BRINP3: variants seen among roughly 807,000 people sequenced by gnomAD.
BRINP3 encodes the protein BMP/retinoic acid-inducible neural-specific protein 3.
A neutral mutation model predicts 71.0 loss-of-function variants in BRINP3; 19 were observed. That is an observed-to-expected ratio of 0.27 (90% CI 0.19 to 0.39). BRINP3 has a LOEUF of 0.39. Among genes scored for constraint, BRINP3 ranks in the 10% least tolerant of loss-of-function variants. BRINP3 has a pLI of 1.00. For synonymous variants in BRINP3, 380 were observed against 337.7 expected, an observed-to-expected ratio of 1.13 and a Z score of -1.37; for missense variants, 959 against 940.8, an observed-to-expected ratio of 1.02 and a Z score of -0.25.
At chr1:190,189,670 T>A (rs899065287) in intron 6 of BRINP3, among the ~76,000 whole-genome samples, 40 of 151,866 alleles carry the variant, frequency 2.6e-4, no homozygotes, top group Non-Finnish European at 4.6e-4. Context: ...TTCCCATTGA[T>A]TTTTTTTATC....
intron 6 of BRINP3, among the ~76,000 whole-genome samples, chr1:190,220,436 A>C (rs1301409628): frequency 1.3e-5 from 2 of 152,108 alleles, no homozygotes; most frequent in Non-Finnish European, 2.9e-5. Context: ...GAAATACCTA[A>C]TGTTGGTGAC....
intron 2 of BRINP3, among the ~76,000 whole-genome samples, chr1:190,330,610 C>T (rs955860465): frequency 2.0e-5 from 3 of 151,956 alleles, no homozygotes; most frequent in Non-Finnish European, 2.9e-5. Flanking sequence ...CACCATTAGA[C>T]CCAGCAATCC....
chr1:190,157,412 G>T (rs552043494), intron 7 of BRINP3, among the ~76,000 whole-genome samples: 11 of 152,030 alleles, frequency 7.2e-5, no homozygotes, highest in Non-Finnish European at 1.2e-4. Flanking sequence ...AATGATTGCC[G>T]TTCCTTGAGA....
At chr1:190,300,429 G>C (rs1193434210) in intron 2 of BRINP3, among the ~76,000 whole-genome samples, 2 of 152,068 alleles carry the variant, frequency 1.3e-5, no homozygotes, top group African/African-American at 4.8e-5. Flanking sequence ...CTCTGTATTG[G>C]TTATTCTAGT....
intron 7 of BRINP3, among the ~76,000 whole-genome samples, chr1:190,103,465 A>T (rs545378812): frequency 6.6e-6 from 1 of 152,196 alleles, no homozygotes; most frequent in South Asian, 2.1e-4. Flanking sequence ...TGATTGGTGA[A>T]CCAAGTTCCT....
intron 3 of BRINP3, among the ~76,000 whole-genome samples, chr1:190,274,648 AT>A (rs754491359): frequency 1.3e-5 from 2 of 151,616 alleles, no homozygotes; most frequent in Non-Finnish European, 3.0e-5. Context: ...GCCTTACAAT[AT>A]TTTTTGTTAT....
chr1:190,230,779 TCA>T (rs1181208692), intron 5 of BRINP3, among the ~76,000 whole-genome samples: 2 of 151,016 alleles, frequency 1.3e-5, no homozygotes, highest in African/African-American at 2.4e-5. Context: ...CTTCAAACAC[TCA>T]CACACACACA....
At chr1:190,163,987 AACACC>A (rs1651252292) in intron 6 of BRINP3, among the ~76,000 whole-genome samples, 1 of 152,146 alleles carries the variant, frequency 6.6e-6, no homozygotes, top group Non-Finnish European at 1.5e-5. Context: ...AAGTTTTATT[AACACC>A]ACTATATTAA....
intron 2 of BRINP3, among the ~76,000 whole-genome samples, chr1:190,452,225 A>T (rs1675657560): frequency 6.6e-6 from 1 of 152,240 alleles, no homozygotes; most frequent in African/African-American, 2.4e-5. Context: ...TACTAAAACT[A>T]AAGGTACCCT....
At chr1:190,466,810 G>A (rs1676785277) in intron 1 of BRINP3, among the ~76,000 whole-genome samples, 3 of 150,986 alleles carry the variant, frequency 2.0e-5, no homozygotes, top group African/African-American at 7.3e-5. Flanking sequence ...TAAATAAATG[G>A]AGTTTATTAA....
intron 7 of BRINP3, among the ~76,000 whole-genome samples, chr1:190,152,626 C>T (rs1438026430): frequency 7.4e-6 from 1 of 135,084 alleles, no homozygotes; most frequent in African/African-American, 2.8e-5. Context: ...TGGGTTGAGT[C>T]TGGACATCTT....
chr1:190,434,184 T>C (rs1390417215), intron 2 of BRINP3, among the ~76,000 whole-genome samples: 1 of 152,064 alleles, frequency 6.6e-6, no homozygotes, highest in East Asian at 1.9e-4. Flanking sequence ...AGTGGCCAGA[T>C]CTCGACTCAC....
At chr1:190,111,050 C>T (rs1557975621) in intron 7 of BRINP3, among the ~76,000 whole-genome samples, 1 of 151,450 alleles carries the variant, frequency 6.6e-6, no homozygotes, top group Admixed American at 6.6e-5. Flanking sequence ...TGGTGTTGGG[C>T]GCCTGTAATC....
At chr1:190,221,852 C>T (rs1437550374) in intron 6 of BRINP3, among the ~76,000 whole-genome samples, 1 of 152,000 alleles carries the variant, frequency 6.6e-6, no homozygotes, top group Non-Finnish European at 1.5e-5. Flanking sequence ...GTCAATACAG[C>T]AAGATAATAT....
chr1:190,242,844 G>T (rs1268044241), intron 4 of BRINP3, among the ~76,000 whole-genome samples: 1 of 152,002 alleles, frequency 6.6e-6, no homozygotes, highest in Non-Finnish European at 1.5e-5. Flanking sequence ...TAAACTGAAG[G>T]TTACGTGAGA....
intron 6 of BRINP3, among the ~76,000 whole-genome samples, chr1:190,222,246 A>T (rs1656954784): frequency 6.6e-6 from 1 of 152,034 alleles, no homozygotes; most frequent in African/African-American, 2.4e-5. Context: ...TAAAAACCAC[A>T]AATTGAAAAC....
intron 2 of BRINP3, among the ~76,000 whole-genome samples, chr1:190,334,499 G>A (rs886724881): frequency 6.6e-6 from 1 of 151,650 alleles, no homozygotes; most frequent in Admixed American, 6.6e-5. Flanking sequence ...GGAGGGAGAT[G>A]GGTGTATTTC....
intron 7 of BRINP3, among the ~76,000 whole-genome samples, chr1:190,153,277 AT>A (rs1047999312): frequency 1.3e-5 from 2 of 152,116 alleles, no homozygotes; most frequent in African/African-American, 2.4e-5. Context: ...CATTATCTTT[AT>A]GGCCAATTTT....
intron 6 of BRINP3, among the ~76,000 whole-genome samples, chr1:190,206,863 G>A (rs1034200559): frequency 6.6e-5 from 10 of 151,736 alleles, no homozygotes; most frequent in Non-Finnish European, 5.9e-5. Flanking sequence ...AAGCAAAGAA[G>A]ATATGATAGT....
Sources: gnomAD v4.1 joint callset for allele counts (sites outside exome capture counted in the v4.1 genomes callset) on GRCh38, gnomAD v4.1.1 for gene constraint, MANE v1.5 for transcripts, NCBI Gene and HGNC (gene_info 2026-07-23, HGNC 2026-07-21) for gene names.